The following LRRK1 variants were observed in gnomAD, a reference collection of about 807,000 sequenced individuals.
The protein encoded by LRRK1 is leucine-rich repeat serine/threonine-protein kinase 1.
LRRK1 carries 113 observed loss-of-function variants against 209.1 expected under a neutral mutation model. The ratio of observed to expected loss-of-function variants is 0.54; its 90% CI spans 0.46 to 0.63. The LOEUF (loss-of-function observed/expected upper bound fraction) is 0.63, where lower values mean the gene tolerates loss of function less well. Among genes scored for constraint, LRRK1 ranks in the 30% least tolerant of loss-of-function variants. The pLI is 0.00. For synonymous variants in LRRK1, 1,144 were observed against 1,099.7 expected, an observed-to-expected ratio of 1.04 and a Z score of -0.80; for missense variants, 2,284 against 2,632.2, an observed-to-expected ratio of 0.87 and a Z score of 2.89.
rs1357385496 is a variant in LRRK1 at position 101,071,395 on chromosome 15, G to GT, written c.*2552dup. ...CTCTGTGTTTTTTTTGTTTTGTTTT[G>GT]TTTTTGTTTTTTGAGACGGAGTCTC... On this transcript the variant is annotated 3_prime_UTR_variant, in exon 34 of 34. Transcript: ENST00000388948. 1 of 151,948 alleles carries GT rather than the reference G, an allele frequency of 6.6e-6. No individual in the cohort carries two copies. The highest frequency in any genetic ancestry group is 2.4e-5 in the African/African-American group (1 of 41,324). 9.4% of individuals were successfully genotyped at this position (151,948 alleles called of 1,614,324 possible). A position where few individuals can be genotyped will look rare whatever the true frequency, so the allele number is the denominator to read the frequency against.
chr15:100,983,186 A>T (rs1215734722), intron 3 of LRRK1, among the ~76,000 whole-genome samples: 2 of 152,326 alleles, frequency 1.3e-5, no homozygotes, highest in African/African-American at 4.8e-5. Context: ...AAAAATAAAT[A>T]AAATAAAGGA....
chr15:101,039,863 T>C (rs1290943597), intron 20 of LRRK1, among the ~76,000 whole-genome samples: 5 of 152,242 alleles, frequency 3.3e-5, no homozygotes, highest in African/African-American at 1.2e-4. Flanking sequence ...GTTATTTTTC[T>C]GTTAAATATG....
intron 6 of LRRK1, among the ~76,000 whole-genome samples, chr15:100,999,807 C>G (rs1176817268): frequency 2.0e-5 from 3 of 152,162 alleles, no homozygotes; most frequent in Admixed American, 1.3e-4. Flanking sequence ...ATTTCTACTT[C>G]CAGATTGTTT....
At chr15:101,021,237 C>T (rs1349122377) in intron 13 of LRRK1, 55 bp downstream of exon 13, 204 of 1,599,382 alleles carry the variant, frequency 1.3e-4, no homozygotes, top group Non-Finnish European at 1.6e-4. Context: ...AGAGGCAGAA[C>T]GCCCATCCCT....
rs759405307 is a variant in LRRK1 at position 101,052,985 on chromosome 15, C to T, written c.3753C>T (p.Gly1251=). ...SEDEGSVLGQ[G]GSGTVIYRAR... ...ACGAGGGCAGCGTCCTGGGCCAGGG[C>T]GGCAGTGGCACCGTCATCTACCGGG... Residue 1251 remains glycine, a synonymous_variant, in exon 25 of 34, where the codon GGC becomes GGT. Coordinates refer to ENST00000388948, the MANE Select transcript of LRRK1 (RefSeq NM_024652.6). 1.7e-5 allele frequency: 28 copies of T among 1,612,822 alleles called. No individual in the cohort carries two copies. Among genetic ancestry groups the T allele is most frequent in the Middle Eastern group, 1.6e-4 (1 of 6,080 alleles).
At chr15:101,015,456 G>A (rs2033490877) in intron 12 of LRRK1, 54 bp downstream of exon 12, 2 of 1,386,584 alleles carry the variant, frequency 1.4e-6, no homozygotes, top group South Asian at 2.4e-5. Flanking sequence ...GGGTAGCCTG[G>A]TTCCTGCTCC....
In LRRK1 at chr15:101,060,776, G is replaced by GCC. The variant is rs143606928; in HGVS notation, c.4680-389_4680-388dup. Among the ~76,000 whole-genome samples, 367 of 152,204 alleles carry GCC rather than the reference G, an allele frequency of 2.4e-3. 1 individual carries two copies. The highest frequency in any genetic ancestry group is 5.6e-3 in the African/African-American group (234 of 41,544). ...CTCGTGCTGGGAGCACATTTTGAGT[G>GCC]CCCCCCCGCCCCAACCCAATCTCCT... is the stretch of plus-strand genomic sequence containing the variant. On this transcript the variant is annotated intron_variant, in intron 29 of 33. Coordinates refer to ENST00000388948, the MANE Select transcript of LRRK1 (RefSeq NM_024652.6).
At chr15:100,930,164 C>G (rs1264584670) in intron 2 of LRRK1, among the ~76,000 whole-genome samples, 1 of 152,196 alleles carries the variant, frequency 6.6e-6, no homozygotes, top group Non-Finnish European at 1.5e-5. Flanking sequence ...CTCTTTGCAC[C>G]AGGCTTTATT....
rs2033922347 is a variant in LRRK1, at chr15:101,024,263, C to T, written c.2068-540C>T. On this transcript the variant is annotated intron_variant, in intron 15 of 33. Coordinates refer to ENST00000388948, the MANE Select transcript of LRRK1 (RefSeq NM_024652.6). This position sits in a 1 kb window ranked among gnomAD's most constrained non-coding sequence, Gnocchi z 4.6. ...AAACTGCAGCCTTAGCATCCAGGGC[C>T]AGACTCTTACCTCATGCAATGATAG... Among the ~76,000 whole-genome samples, 1 of 152,224 alleles carries T rather than the reference C, an allele frequency of 6.6e-6. No homozygotes were observed.
At position 100,948,764 on chromosome 15, in the gene LRRK1, T is replaced by C. The variant is rs1406018800; in HGVS notation, c.97+24035T>C. ...AATATGTAGAAATTAAACAACACAC[T>C]ATTAAAGAACGAATGTGTTAAAGAA... On this transcript the variant is annotated intron_variant, in intron 2 of 33. Transcript: ENST00000388948. Among the ~76,000 whole-genome samples, 3 of 152,206 alleles carry C rather than the reference T, an allele frequency of 2.0e-5. No individual in the cohort carries two copies. In the East Asian group the frequency reaches 5.8e-4, roughly 29 times the overall value.
intron 2 of LRRK1, among the ~76,000 whole-genome samples, chr15:100,963,347 G>A (rs2030210227): frequency 6.6e-6 from 1 of 152,174 alleles, no homozygotes; most frequent in Non-Finnish European, 1.5e-5. Context: ...CGACTCTGTG[G>A]GCCCCAGCGT....
At chr15:100,927,256 C>T (rs1045495328) in intron 2 of LRRK1, among the ~76,000 whole-genome samples, 1 of 152,202 alleles carries the variant, frequency 6.6e-6, no homozygotes, top group African/African-American at 2.4e-5. Flanking sequence ...CCATCCCCAC[C>T]TCCAAGCTCG....
chr15:100,920,892 G>A (rs1425685001), intron 1 of LRRK1, among the ~76,000 whole-genome samples: 2 of 152,098 alleles, frequency 1.3e-5, no homozygotes, highest in Admixed American at 6.5e-5. Flanking sequence ...AGCCTCTGCT[G>A]TCTCGGACCA....
chr15:101,062,541 TG>T, intron 30 of LRRK1, 32 bp from the exon 31 acceptor site: 1 of 1,433,020 alleles, frequency 7.0e-7, no homozygotes, highest in Non-Finnish European at 9.9e-7. Context: ...CTTTCCAGCC[TG>T]GGTCTCACAG....
chr15:100,922,614 G>C (rs1284225419), intron 1 of LRRK1, among the ~76,000 whole-genome samples: 2 of 152,172 alleles, frequency 1.3e-5, no homozygotes, highest in Non-Finnish European at 2.9e-5. Flanking sequence ...GTGAATGTGT[G>C]ATCGGAACGT....
chr15:100,932,605 T>C (rs992780547), intron 2 of LRRK1, among the ~76,000 whole-genome samples: 13 of 152,232 alleles, frequency 8.5e-5, no homozygotes, highest in African/African-American at 3.1e-4. Context: ...CCCTGGTTAA[T>C]GAAGGCTGTC....
At chr15:100,974,185 G>A (rs1449012926) in intron 3 of LRRK1, 2 of 396,766 alleles carry the variant, frequency 5.0e-6, no homozygotes, top group Non-Finnish European at 8.8e-6. Context: ...CTTTTCATGG[G>A]AGGCCTTTGA....
In LRRK1 at chr15:100,973,955, C is replaced by T; in HGVS notation, c.249C>T (p.Ser83=). Reference sequence around the variant, plus strand: ...AGGAGGCCTGCGACCAGTGCGCGTCCCAGCTGGAAAAGGTAGGGGAGCGCC... The same window carrying T: ...AGGAGGCCTGCGACCAGTGCGCGTCTCAGCTGGAAAAGGTAGGGGAGCGCC... ...LLEEACDQCA[S]QLEKGQLLSI... Residue 83 remains serine (S), a synonymous_variant, in exon 3 of 34, where the codon TCC becomes TCT. Coordinates refer to ENST00000388948, the MANE Select transcript of LRRK1 (RefSeq NM_024652.6). The T allele has an allele frequency of 1.6e-6, 2 of 1,250,868 alleles. No individual in the cohort carries two copies. The highest frequency in any genetic ancestry group is 2.0e-6 in the Non-Finnish European group (2 of 991,940). 77.5% of individuals were successfully genotyped at this position (1,250,868 alleles called of 1,614,324 possible).
chr15:101,069,019 GGGTTCTCT>G lies in LRRK1; in HGVS notation c.*182_*189del, dbSNP rs541832421. 1.1e-3 allele frequency: 622 copies of G among 582,868 alleles called. 4 individuals carry two copies. In the African/African-American group the frequency reaches 0.011, roughly 10 times the overall value. The allele number at this position is 582,868 out of a possible 1,614,324, so 36.1% of individuals were successfully genotyped here. On this transcript the variant is annotated 3_prime_UTR_variant, in exon 34 of 34. Transcript: ENST00000388948. ...AGTTACTCGCCTGGCGGTGGCTCCAGGGTTCTCTGGTTCTCTGGAGCAGAGTTCTCTGA... is the reference window on the plus strand; with the variant it reads ...AGTTACTCGCCTGGCGGTGGCTCCAGGGTTCTCTGGAGCAGAGTTCTCTGA...
Sources: gnomAD v4.1 joint callset for allele counts (sites outside exome capture counted in the v4.1 genomes callset) on GRCh38, gnomAD v4.1.1 for gene constraint, Gnocchi (gnomAD v3.1) non-coding constraint, MANE v1.5 for transcripts, NCBI Gene and HGNC (gene_info 2026-07-23, HGNC 2026-07-21) for gene names.